Variants in THSD4 observed in about 807,000 individuals in gnomAD.
THSD4 encodes thrombospondin type 1 domain containing 4.
A neutral mutation model predicts 119.0 loss-of-function variants in THSD4; 69 were observed. The ratio of observed to expected loss-of-function variants is 0.58; its 90% CI spans 0.48 to 0.71. The LOEUF is 0.71. Among genes scored for constraint, THSD4 ranks in the 30% least tolerant of loss-of-function variants. THSD4 has a pLI of 0.00. For missense variants in THSD4, 1,393 were observed against 1,391.1 expected (o/e 1.00, Z -0.02); for synonymous variants, 524 against 540.4 (o/e 0.97, Z 0.42).
intron 5 of THSD4, among the ~76,000 whole-genome samples, chr15:71,248,646 C>G (rs899887045): frequency 6.6e-6 from 1 of 152,082 alleles, no homozygotes; most frequent in Non-Finnish European, 1.5e-5. Context: ...GTGAATTTCC[C>G]TGGGGTAGGA....
chr15:71,292,186 C>T (rs532417893), intron 6 of THSD4, among the ~76,000 whole-genome samples: 3 of 152,232 alleles, frequency 2.0e-5, no homozygotes, highest in African/African-American at 7.2e-5. Context: ...CATCCTGATG[C>T]TCTTTGTTTT....
At chr15:71,404,954 T>C (rs1383864294) in intron 6 of THSD4, among the ~76,000 whole-genome samples, 1 of 152,054 alleles carries the variant, frequency 6.6e-6, no homozygotes, top group African/African-American at 2.4e-5. Context: ...AGTGGCATGA[T>C]CTCAGCTCAC....
At chr15:71,279,109 G>T (rs1596310891) in intron 6 of THSD4, among the ~76,000 whole-genome samples, 1 of 152,272 alleles carries the variant, frequency 6.6e-6, no homozygotes, top group East Asian at 1.9e-4. Flanking sequence ...GTTCTGCTGT[G>T]ATCACGTGGC....
At chr15:71,722,069 T>C (rs2052733810) in intron 8 of THSD4, among the ~76,000 whole-genome samples, 1 of 152,152 alleles carries the variant, frequency 6.6e-6, no homozygotes, top group Non-Finnish European at 1.5e-5. Context: ...AAACAGGCTT[T>C]GTTAAAGCTT....
intron 7 of THSD4, among the ~76,000 whole-genome samples, chr15:71,625,360 A>G (rs2050489552): frequency 6.6e-6 from 1 of 152,128 alleles, no homozygotes; most frequent in African/African-American, 2.4e-5. Context: ...GTTCTTGGAG[A>G]TGAGATTGCC....
rs373111530 is a variant in THSD4 at position 71,410,115 on chromosome 15, G to A, written c.1016-1572G>A. ...AATGTACAGAAAGACTCTGAGGTAGGGAAATATATCTAGCAGGAGGAGGGG... is the reference window on the plus strand; with the variant it reads ...AATGTACAGAAAGACTCTGAGGTAGAGAAATATATCTAGCAGGAGGAGGGG... On this transcript the variant is annotated intron_variant, in intron 6 of 17. Coordinates refer to ENST00000261862, the MANE Select transcript of THSD4 (RefSeq NM_024817.3). Among the ~76,000 whole-genome samples, 4 of 152,112 alleles carry A rather than the reference G, an allele frequency of 2.6e-5. No individual in the cohort carries two copies. In the East Asian group the frequency reaches 5.8e-4, roughly 22 times the overall value.
At chr15:71,352,052 G>A (rs2140406960) in intron 6 of THSD4, among the ~76,000 whole-genome samples, 1 of 152,232 alleles carries the variant, frequency 6.6e-6, no homozygotes, top group African/African-American at 2.4e-5. Flanking sequence ...TGTCCTTTTT[G>A]GCTTCCAAAG....
chr15:71,503,758 T>G (rs1029244515), intron 7 of THSD4, among the ~76,000 whole-genome samples: 2 of 152,150 alleles, frequency 1.3e-5, no homozygotes, highest in Non-Finnish European at 1.5e-5. Context: ...AATGTCACTC[T>G]CCAGGGTTGT....
Position 71,101,375 on chromosome 15 carries a change from C to T in THSD4, c.-80+4369C>T, listed in dbSNP as rs951095300. On this transcript the variant is annotated intron_variant, in intron 1 of 17. Coordinates refer to the THSD4 transcript ENST00000355327. Reference sequence around the variant, plus strand: ...AGGTACCTTTGGCATCCCCTGTTTACGTAGTCATCATAGTATTATGTATTA... The same window carrying T: ...AGGTACCTTTGGCATCCCCTGTTTATGTAGTCATCATAGTATTATGTATTA... Among the ~76,000 whole-genome samples, 7 of 152,312 alleles carry T rather than the reference C, an allele frequency of 4.6e-5. 1 individual carries two copies. The highest frequency in any genetic ancestry group is 3.9e-4 in the East Asian group (2 of 5,190).
intron 1 of THSD4, among the ~76,000 whole-genome samples, chr15:71,118,102 C>T (rs2040378514): frequency 6.6e-6 from 1 of 151,988 alleles, no homozygotes; most frequent in Admixed American, 6.6e-5. Flanking sequence ...ATGGGAAAGG[C>T]TGGTGGGGAG....
rs901352483 is a variant in THSD4 at position 71,567,639 on chromosome 15, T to C, written c.1153-92891T>C. 4.7e-5 allele frequency among the ~76,000 whole-genome samples: 7 copies of C among 149,652 alleles called. 1 individual carries two copies. Among genetic ancestry groups the C allele is most frequent in the African/African-American group, 1.2e-4 (5 of 40,730 alleles). On this transcript the variant is annotated intron_variant, in intron 7 of 17. Coordinates refer to ENST00000261862, the MANE Select transcript of THSD4 (RefSeq NM_024817.3). Reference sequence around the variant, plus strand: ...ACACACACATGAAAGAGAGTCACAGTGTTTCTAGCAAACTGCCTTCAGGAG... The same window carrying C: ...ACACACACATGAAAGAGAGTCACAGCGTTTCTAGCAAACTGCCTTCAGGAG...
intron 2 of THSD4, among the ~76,000 whole-genome samples, chr15:71,143,240 G>A (rs1041805799): frequency 6.6e-6 from 1 of 152,106 alleles, no homozygotes; most frequent in Non-Finnish European, 1.5e-5. Flanking sequence ...CAGGATAGAA[G>A]TTGGCATCTA....
chr15:71,770,374 G>A (rs4777453), intron 16 of THSD4, among the ~76,000 whole-genome samples: 27,472 of 146,824 alleles, frequency 0.19, 4,751 homozygotes, highest in African/African-American at 0.46. Context: ...AAAAATCTTG[G>A]CTGGGTGCAG....
At chr15:71,714,598 T>A (rs977841600) in intron 8 of THSD4, among the ~76,000 whole-genome samples, 23 of 148,610 alleles carry the variant, frequency 1.5e-4, no homozygotes, top group African/African-American at 5.6e-4. Context: ...GTAATCCCAA[T>A]ACTTTGGGAG....
chr15:71,510,094 G>T (rs1349376167), intron 7 of THSD4, among the ~76,000 whole-genome samples: 3 of 152,184 alleles, frequency 2.0e-5, no homozygotes, highest in Admixed American at 2.0e-4. Context: ...CTCTACTGGG[G>T]CAAGATACAT....
At chr15:71,594,200 C>T (rs917648093) in intron 7 of THSD4, among the ~76,000 whole-genome samples, 2 of 151,786 alleles carry the variant, frequency 1.3e-5, no homozygotes, top group Admixed American at 1.3e-4. Flanking sequence ...GTTCCCAAGC[C>T]TGGATGAATC....
intron 7 of THSD4, among the ~76,000 whole-genome samples, chr15:71,589,783 A>G (rs1027488373): frequency 3.6e-5 from 5 of 139,514 alleles, no homozygotes; most frequent in African/African-American, 1.0e-4. Context: ...TATTATCACC[A>G]ATAATTGGAA....
intron 7 of THSD4, among the ~76,000 whole-genome samples, chr15:71,630,416 C>T (rs2050603356): frequency 6.6e-6 from 1 of 152,180 alleles, no homozygotes; most frequent in African/African-American, 2.4e-5. Flanking sequence ...TCAGCCAAAA[C>T]ATTTGTTTAT....
rs1261423138 is a variant in THSD4 at position 71,731,221 on chromosome 15, G to A, written c.1630+4G>A. The A allele has an allele frequency of 3.1e-6, 5 of 1,613,832 alleles. No individual in the cohort carries two copies. The East Asian group carries it at 8.9e-5, about 29-fold the overall frequency. On this transcript the variant is annotated splice_donor_region_variant and intron_variant, in intron 10 of 17. Coordinates refer to ENST00000261862, the MANE Select transcript of THSD4 (RefSeq NM_024817.3). ...GTGCCACCCCACAGGAGACCAGGTA[G>A]AATCCCTTGTCTTGTGGCCGGGGAC...
Sources: gnomAD v4.1 joint callset for allele counts (sites outside exome capture counted in the v4.1 genomes callset) on GRCh38, gnomAD v4.1.1 for gene constraint, MANE v1.5 for transcripts, NCBI Gene and HGNC (gene_info 2026-07-23, HGNC 2026-07-21) for gene names.